The following PARD3 variants were observed in gnomAD, a reference collection of about 807,000 sequenced individuals.
PARD3 encodes the protein par-3 family cell polarity regulator.
Under a neutral mutation model 155.4 loss-of-function variants are expected in PARD3, and 75 were observed. That is an observed-to-expected ratio of 0.48 (90% CI 0.40 to 0.58). The LOEUF (loss-of-function observed/expected upper bound fraction) is 0.58, where lower values mean the gene tolerates loss of function less well. Among genes scored for constraint, PARD3 ranks in the 20% least tolerant of loss-of-function variants. The pLI, the probability that PARD3 is intolerant of heterozygous loss-of-function variation, is 0.00. For synonymous variants in PARD3, 576 were observed against 610.5 expected (o/e 0.94, Z 0.83); for missense variants, 1,642 against 1,721.7 (o/e 0.95, Z 0.82).
intron 5 of PARD3, among the ~76,000 whole-genome samples, chr10:34,446,268 C>T (rs1489609918): frequency 6.6e-6 from 1 of 152,138 alleles, no homozygotes; most frequent in Non-Finnish European, 1.5e-5. Flanking sequence ...CACATATTCC[C>T]TAGCTCCAGA....
At chr10:34,602,695 A>AT (rs1296816144) in intron 2 of PARD3, among the ~76,000 whole-genome samples, 1 of 152,238 alleles carries the variant, frequency 6.6e-6, no homozygotes, top group Non-Finnish European at 1.5e-5. Flanking sequence ...ACATATGTAT[A>AT]ATCTATGGTG....
At chr10:34,448,628 T>C (rs766410667) in intron 5 of PARD3, among the ~76,000 whole-genome samples, 18 of 151,802 alleles carry the variant, frequency 1.2e-4, no homozygotes, top group South Asian at 2.1e-4. Context: ...AGGGAGACCG[T>C]CTCCACAAAA....
chr10:34,228,755 T>C (rs981883576), intron 22 of PARD3, among the ~76,000 whole-genome samples: 1 of 152,016 alleles, frequency 6.6e-6, no homozygotes, highest in African/African-American at 2.4e-5. Context: ...TCAACAAAAT[T>C]ACTTAAATGA....
chr10:34,618,076 AACC>A (rs2091388572), intron 2 of PARD3, among the ~76,000 whole-genome samples: 1 of 152,232 alleles, frequency 6.6e-6, no homozygotes, highest in African/African-American at 2.4e-5. Flanking sequence ...TCTAAACTAT[AACC>A]ACAGGGCTGT....
chr10:34,651,618 G>A (rs1328154414), intron 2 of PARD3, among the ~76,000 whole-genome samples: 1 of 152,174 alleles, frequency 6.6e-6, no homozygotes. Context: ...ATCAACAAAG[G>A]CCAGGCCATG....
At position 34,742,073 on chromosome 10, in the gene PARD3, T is replaced by A. The variant is rs74512068; in HGVS notation, c.121-45654A>T. 9.7e-3 allele frequency among the ~76,000 whole-genome samples: 1,478 copies of A among 152,298 alleles called. 29 individuals are homozygous for A. The highest frequency in any genetic ancestry group is 0.034 in the African/African-American group (1,400 of 41,558). On this transcript the variant is annotated intron_variant, in intron 1 of 24. Transcript: ENST00000374788. ...TCAAGGTGTTTGTACTTCTTTTGTCTCAATCTCCCCAGCACAACCTTGGGA... is the reference window on the plus strand; with the variant it reads ...TCAAGGTGTTTGTACTTCTTTTGTCACAATCTCCCCAGCACAACCTTGGGA...
chr10:34,451,423 G>C (rs912542733), intron 4 of PARD3, among the ~76,000 whole-genome samples: 1 of 152,096 alleles, frequency 6.6e-6, no homozygotes, highest in African/African-American at 2.4e-5. Context: ...CTGGCTATAA[G>C]TATTACATGT....
rs551368638 is a variant in PARD3 at position 34,680,604 on chromosome 10, G to A, written c.222+15714C>T. The stretch of plus-strand genomic sequence containing the variant: ...GGGGAAGGGGAATGAGAAGCGGGAG[G>A]GGGAAAGATAAAGAAAGAAAACGTT... On this transcript the variant is annotated intron_variant, in intron 2 of 24. Coordinates refer to ENST00000374788, the MANE Select transcript of PARD3 (RefSeq NM_001184785.2). 6.6e-5 allele frequency among the ~76,000 whole-genome samples: 10 copies of A among 150,664 alleles called. No individual in the cohort carries two copies. In the South Asian group the frequency reaches 1.9e-3, roughly 28 times the overall value.
At chr10:34,430,742 C>T (rs1162030760) in intron 5 of PARD3, among the ~76,000 whole-genome samples, 1 of 152,184 alleles carries the variant, frequency 6.6e-6, no homozygotes, top group Non-Finnish European at 1.5e-5. Context: ...AGCTTCTGAA[C>T]AACTGCATAA....
chr10:34,605,479 C>A, intron 2 of PARD3, among the ~76,000 whole-genome samples: 1 of 144,524 alleles, frequency 6.9e-6, no homozygotes, highest in African/African-American at 2.6e-5. Context: ...AGGCGTGAGC[C>A]ACTGTGCCCT....
chr10:34,203,152 T>C (rs1352869229), intron 22 of PARD3, among the ~76,000 whole-genome samples: 2 of 152,324 alleles, frequency 1.3e-5, no homozygotes, highest in Non-Finnish European at 2.9e-5. Flanking sequence ...TTATGGCACT[T>C]TGGAGTGTGG....
intron 22 of PARD3, among the ~76,000 whole-genome samples, chr10:34,221,954 G>A (rs890453034): frequency 6.6e-6 from 1 of 152,128 alleles, no homozygotes; most frequent in Non-Finnish European, 1.5e-5. Flanking sequence ...TAAAACTGAC[G>A]TTCATCACAA....
At chr10:34,135,959 T>G (rs1238274634) in intron 22 of PARD3, among the ~76,000 whole-genome samples, 1 of 152,216 alleles carries the variant, frequency 6.6e-6, no homozygotes, top group Non-Finnish European at 1.5e-5. Flanking sequence ...TGGCCTGGTG[T>G]TGCTTCTTAT....
chr10:34,449,139 G>C (rs894449481), intron 5 of PARD3, among the ~76,000 whole-genome samples: 2 of 151,546 alleles, frequency 1.3e-5, no homozygotes, highest in Non-Finnish European at 2.9e-5. Flanking sequence ...GGATGGTCTC[G>C]ATCTCCTGAC....
intron 2 of PARD3, among the ~76,000 whole-genome samples, chr10:34,562,074 C>G (rs572154844): frequency 7.8e-6 from 1 of 127,612 alleles, no homozygotes; most frequent in East Asian, 2.4e-4. Flanking sequence ...GGGGGTGAAC[C>G]GAGATCACGC....
chr10:34,404,895 G>C (rs1844275364), intron 5 of PARD3, among the ~76,000 whole-genome samples: 1 of 152,042 alleles, frequency 6.6e-6, no homozygotes, highest in Admixed American at 6.6e-5. Context: ...ACCAGCCTGG[G>C]CAACGTAGCA....
rs116352010 is a variant in PARD3, at chr10:34,126,691, T to A, written c.3540+4772A>T. Reference sequence around the variant, plus strand: ...TAGACCAAGCTACATTTTAAACAACTGAGCAGCTCTTCCTAAGGTAACCAT... The same window carrying A: ...TAGACCAAGCTACATTTTAAACAACAGAGCAGCTCTTCCTAAGGTAACCAT... On this transcript the variant is annotated intron_variant, in intron 23 of 24. Transcript: ENST00000374788. Among the ~76,000 whole-genome samples the A allele has an allele frequency of 5.4e-3, 821 of 152,152 alleles. 8 individuals carry two copies. The highest frequency in any genetic ancestry group is 0.019 in the African/African-American group (783 of 41,508).
chr10:34,694,532 G>A (rs968949474), intron 2 of PARD3, among the ~76,000 whole-genome samples: 2 of 135,178 alleles, frequency 1.5e-5, no homozygotes, highest in African/African-American at 2.8e-5. Context: ...GTGCAGTGGT[G>A]TGATCTCAGC....
intron 2 of PARD3, among the ~76,000 whole-genome samples, chr10:34,650,803 G>C (rs549887324): frequency 6.6e-6 from 1 of 152,062 alleles, no homozygotes; most frequent in Non-Finnish European, 1.5e-5. Flanking sequence ...CCTGAGGTCA[G>C]GAGTTCAAGA....
Sources: gnomAD v4.1 joint callset for allele counts (sites outside exome capture counted in the v4.1 genomes callset) on GRCh38, gnomAD v4.1.1 for gene constraint, MANE v1.5 for transcripts, NCBI Gene and HGNC (gene_info 2026-07-23, HGNC 2026-07-21) for gene names.